SLC5A9: variants seen among roughly 807,000 people sequenced by gnomAD.
SLC5A9 encodes the protein solute carrier family 5 member 9.
In SLC5A9, 59 loss-of-function variants were observed where a neutral mutation model predicts 70.9. The ratio of observed to expected loss-of-function variants is 0.83; its 90% CI spans 0.68 to 1.03. The LOEUF (loss-of-function observed/expected upper bound fraction) is 1.03. Among genes scored for constraint, SLC5A9 ranks in the 50% least tolerant of loss-of-function variants. The probability of loss-of-function intolerance (pLI) is 0.00; values close to 1 mark genes in which losing one functional copy is unlikely to be tolerated. For synonymous variants in SLC5A9, 340 were observed against 346.5 expected, an observed-to-expected ratio of 0.98 and a Z score of 0.21; for missense variants, 832 against 881.1, an observed-to-expected ratio of 0.94 and a Z score of 0.71.
At chr1:48,242,028 T>G (rs768462524) in intron 12 of SLC5A9, 2 of 457,202 alleles carry the variant, frequency 4.4e-6, no homozygotes. Context: ...TTGAAGATCC[T>G]GGCACTTACA....
intron 2 of SLC5A9, among the ~76,000 whole-genome samples, chr1:48,225,537 C>A (rs1383635636): frequency 6.6e-6 from 1 of 152,112 alleles, no homozygotes; most frequent in Non-Finnish European, 1.5e-5. Flanking sequence ...TCAAAAATTA[C>A]CAGTAGAGTC....
chr1:48,247,484 A>G lies in SLC5A9; in HGVS notation c.1987A>G (p.Asn663Asp), dbSNP rs1325428715. Residue 663 changes from asparagine (N) to aspartate (D), a missense_variant, in exon 14 of 14, where the codon AAC (asparagine) becomes GAC (aspartate). Physicochemically the swap from Asn to Asp is conservative, Grantham distance 23. Coordinates refer to ENST00000438567, the MANE Select transcript of SLC5A9 (RefSeq NM_001011547.3). ...EEEPLWRHVCNINAVLLLAIN... is the reference protein window; with the variant it reads ...EEEPLWRHVCDINAVLLLAIN... ...GGAGCCACTCTGGAGACATGTCTGC[A>G]ACATCAATGCTGTCCTTTTGCTGGC... The G allele has an allele frequency of 6.2e-7, 1 of 1,614,056 alleles. No individual in the cohort carries two copies. The highest frequency in any genetic ancestry group is 8.5e-7 in the Non-Finnish European group (1 of 1,180,040).
At position 48,229,000 on chromosome 1, in the gene SLC5A9, C is replaced by G. The variant is rs1644205570; in HGVS notation, c.339+46C>G. On this transcript the variant is annotated intron_variant, in intron 3 of 13. Coordinates refer to ENST00000438567, the MANE Select transcript of SLC5A9 (RefSeq NM_001011547.3). ...TCTCCAGAATACTGAGGGTCTAACCCACCTCTGTCTCTGGCATTAGTGCTG... is the reference window on the plus strand; with the variant it reads ...TCTCCAGAATACTGAGGGTCTAACCGACCTCTGTCTCTGGCATTAGTGCTG... 3.7e-6 allele frequency: 6 copies of G among 1,613,194 alleles called. No homozygotes were observed. The South Asian group carries it at 5.5e-5, about 15-fold the overall frequency.
At chr1:48,243,663 C>A (rs1437594468) in intron 13 of SLC5A9, among the ~76,000 whole-genome samples, 2 of 151,624 alleles carry the variant, frequency 1.3e-5, no homozygotes, top group African/African-American at 4.9e-5. Flanking sequence ...ATGCCAAATC[C>A]CAGTGACATG....
chr1:48,227,281 GTGTA>G (rs570491905), intron 2 of SLC5A9, among the ~76,000 whole-genome samples: 4,191 of 121,444 alleles, frequency 0.035, 264 homozygotes, highest in African/African-American at 0.11. Flanking sequence ...GAGTGTGTGT[GTGTA>G]TGTGTGAGAG....
At chr1:48,224,630 G>A (rs899169565) in intron 1 of SLC5A9, 94 bp from the exon 2 acceptor site, 2 of 1,254,492 alleles carry the variant, frequency 1.6e-6, no homozygotes, top group African/African-American at 2.9e-5. Context: ...TCCCCACAGT[G>A]CCTGCACCGA....
chr1:48,242,833 G>T (rs533910540), intron 13 of SLC5A9, among the ~76,000 whole-genome samples: 1 of 152,266 alleles, frequency 6.6e-6, no homozygotes, highest in South Asian at 2.1e-4. Flanking sequence ...AGTATAAGTG[G>T]AAAGAGTTGG....
chr1:48,245,378 T>C (rs1644449302), intron 13 of SLC5A9, among the ~76,000 whole-genome samples: 1 of 150,838 alleles, frequency 6.6e-6, no homozygotes, highest in African/African-American at 2.4e-5. Context: ...AGGGACAGAG[T>C]AGTCCCTGGA....
intron 2 of SLC5A9, among the ~76,000 whole-genome samples, chr1:48,226,266 G>A (rs946758608): frequency 6.6e-6 from 1 of 152,220 alleles, no homozygotes; most frequent in African/African-American, 2.4e-5. Flanking sequence ...AAGCAGGACA[G>A]AGCAGGTTCC....
intron 13 of SLC5A9, among the ~76,000 whole-genome samples, chr1:48,245,321 C>T (rs537536239): frequency 6.6e-6 from 1 of 152,186 alleles, no homozygotes; most frequent in African/African-American, 2.4e-5. Flanking sequence ...GACAGACTTA[C>T]ACAGAGTTAC....
chr1:48,232,463 A>G lies in SLC5A9; in HGVS notation c.994A>G (p.Ile332Val), dbSNP rs1644263737. The change falls in exon 8 of 14, where the codon ATC (isoleucine) becomes GTC (valine). Residue 332 changes from isoleucine to valine, a missense_variant. By Grantham distance (29) the Ile-to-Val change is conservative. Coordinates refer to ENST00000438567, the MANE Select transcript of SLC5A9 (RefSeq NM_001011547.3). ...CCTGAAGATCCTCCCCATGTTCTTC[A>G]TCGTCATGCCTGGCATGATCAGCCG... ...GYLKILPMFF[I>V]VMPGMISRAL... 2 of 1,614,072 alleles carry G rather than the reference A, an allele frequency of 1.2e-6. No homozygotes were observed. The highest frequency in any genetic ancestry group is 1.1e-5 in the South Asian group (1 of 91,092).
chr1:48,228,916 G>T lies in SLC5A9; in HGVS notation c.301G>T (p.Ala101Ser). The T allele has an allele frequency of 1.2e-6, 2 of 1,613,520 alleles. No homozygotes were observed. Among genetic ancestry groups the T allele is most frequent in the Non-Finnish European group, 1.7e-6 (2 of 1,180,006 alleles). ...GTTCATCGGCCTGGCTGGGACAGGG[G>T]CTGCCGGAGGCCTTGCCGTAGGTGG... ...GLFIGLAGTG[A>S]AGGLAVGGFE... The change falls in exon 3 of 14, where the codon GCT becomes TCT. Residue 101 changes from alanine to serine, a missense_variant. Coordinates refer to ENST00000438567, the MANE Select transcript of SLC5A9 (RefSeq NM_001011547.3).
At position 48,228,851 on chromosome 1, in the gene SLC5A9, T is replaced by C. The variant is rs145760709; in HGVS notation, c.236T>C (p.Ile79Thr). The part of the protein sequence containing the change: ...LAGRSMSWWP[I>T]GASLMSSNVG... ...CCTTGACCCAACTGTGCCTTGCAGA[T>C]TGGAGCATCTCTGATGTCCAGCAAT... Residue 79 changes from isoleucine to threonine, a missense_variant and splice_region_variant, in exon 3 of 14, where the codon ATT becomes ACT. By Grantham distance (89) the Ile-to-Thr change is moderately conservative (BLOSUM62 -1). Coordinates refer to ENST00000438567, the MANE Select transcript of SLC5A9 (RefSeq NM_001011547.3). The C allele has an allele frequency of 4.8e-5, 78 of 1,613,758 alleles. No individual in the cohort carries two copies. Among genetic ancestry groups the C allele is most frequent in the Middle Eastern group, 1.7e-4 (1 of 6,056 alleles).
chr1:48,233,899 A>C, intron 9 of SLC5A9, 137 bp downstream of exon 9: 1 of 665,068 alleles, frequency 1.5e-6, no homozygotes. Context: ...ATCCCAACAC[A>C]TACACACACG....
Position 48,232,110 on chromosome 1 carries a change from G to A in SLC5A9, c.856G>A (p.Gly286Arg), listed in dbSNP as rs1052870117. 9 of 1,613,940 alleles carry A rather than the reference G, an allele frequency of 5.6e-6. No homozygotes were observed. Among genetic ancestry groups the A allele is most frequent in the African/African-American group, 1.3e-5 (1 of 74,908 alleles). Residue 286 changes from glycine (G) to arginine (R), a missense_variant, in exon 7 of 14, where the codon GGG (glycine) becomes AGG (arginine). Physicochemically the swap from Gly to Arg is moderately radical, Grantham distance 125. Coordinates refer to ENST00000438567, the MANE Select transcript of SLC5A9 (RefSeq NM_001011547.3). ...CATCCCTTGGCCAGGTCTCATTTTC[G>A]GGCTCACAGTGCTGGCCACCTGGTG... ...GDIPWPGLIF[G>R]LTVLATWCWC... is the part of the protein sequence containing the mutation.
chr1:48,229,534 G>T, intron 4 of SLC5A9, 75 bp downstream of exon 4: 3 of 1,572,204 alleles, frequency 1.9e-6, no homozygotes, highest in East Asian at 4.5e-5. Flanking sequence ...CACCATGTGC[G>T]TGTTGCTGAG....
intron 12 of SLC5A9, among the ~76,000 whole-genome samples, chr1:48,241,672 A>C (rs1237787628): frequency 6.6e-6 from 1 of 152,066 alleles, no homozygotes; most frequent in African/African-American, 2.4e-5. Context: ...AGACTCCTGA[A>C]GCACATCATC....
rs139453706 is a variant in SLC5A9, at chr1:48,247,516, C to T, written c.2019C>T (p.Asn673=). The T allele has an allele frequency of 4.3e-6, 7 of 1,614,100 alleles. No individual in the cohort carries two copies. The African/African-American group carries it at 8.0e-5, about 18-fold the overall frequency. The change falls in exon 14 of 14, where the codon AAC becomes AAT. Residue 673 remains asparagine (N), a synonymous_variant. Coordinates refer to ENST00000438567, the MANE Select transcript of SLC5A9 (RefSeq NM_001011547.3). ...ATGCTGTCCTTTTGCTGGCCATCAACATCTTCCTCTGGGGCTATTTTGCGT... is the reference window on the plus strand; with the variant it reads ...ATGCTGTCCTTTTGCTGGCCATCAATATCTTCCTCTGGGGCTATTTTGCGT... ...NINAVLLLAI[N]IFLWGYFA
At chr1:48,228,774 A>T in intron 2 of SLC5A9, 76 bp from the exon 3 acceptor site, 1 of 1,586,952 alleles carries the variant, frequency 6.3e-7, no homozygotes, top group South Asian at 1.1e-5. Flanking sequence ...TCAGCTCCTC[A>T]CTACTCATGG....
Sources: allele counts gnomAD v4.1 joint callset (sites outside exome capture counted in the v4.1 genomes callset), GRCh38; gene constraint gnomAD v4.1.1; transcripts MANE v1.5; gene names NCBI Gene and HGNC (gene_info 2026-07-23, HGNC 2026-07-21).